The following PIGK variants were observed in gnomAD, a reference collection of about 807,000 sequenced individuals.
PIGK encodes phosphatidylinositol glycan anchor biosynthesis class K, also known as GPI-anchor transamidase.
A neutral mutation model predicts 50.6 loss-of-function variants in PIGK; 42 were observed. The observed-to-expected ratio is 0.83, with a 90% CI of 0.65 to 1.07. The LOEUF (loss-of-function observed/expected upper bound fraction) is 1.07, where lower values mean the gene tolerates loss of function less well. PIGK is among the 50% of genes least tolerant of loss of function. The pLI is 0.00. For missense variants in PIGK, 448 were observed against 488.7 expected, an observed-to-expected ratio of 0.92 and a Z score of 0.78; for synonymous variants, 151 against 156.0, an observed-to-expected ratio of 0.97 and a Z score of 0.24.
Position 77,206,621 on chromosome 1 carries a change from C to T in PIGK, c.239+19G>A, listed in dbSNP as rs542415038. On this transcript the variant is annotated intron_variant, in intron 3 of 10. Transcript: ENST00000370812. ...ATTTTCACTGAAGTTCAAGGTTAAGCTTTATTAAGGCTTCTTACCTGTCAG... is the reference window on the plus strand; with the variant it reads ...ATTTTCACTGAAGTTCAAGGTTAAGTTTTATTAAGGCTTCTTACCTGTCAG... The T allele has an allele frequency of 3.6e-4, 494 of 1,357,010 alleles. 14 individuals carry two copies. The South Asian group carries it at 5.6e-3, about 15-fold the overall frequency. The allele number at this position is 1,357,010 out of a possible 1,614,324, so 84.1% of individuals were successfully genotyped here.
intron 9 of PIGK, among the ~76,000 whole-genome samples, chr1:77,147,438 A>G (rs981571377): frequency 3.3e-5 from 5 of 152,178 alleles, no homozygotes; most frequent in African/African-American, 7.2e-5. Flanking sequence ...ACCCACTAAC[A>G]TAAGAGGTGA....
At chr1:77,187,058 A>T (rs1000685579) in intron 3 of PIGK, among the ~76,000 whole-genome samples, 1 of 152,172 alleles carries the variant, frequency 6.6e-6, no homozygotes, top group Non-Finnish European at 1.5e-5. Context: ...TATTTCACAC[A>T]TCATCACCTC....
At chr1:77,200,469 T>A (rs895310199) in intron 3 of PIGK, among the ~76,000 whole-genome samples, 2 of 152,106 alleles carry the variant, frequency 1.3e-5, no homozygotes, top group Non-Finnish European at 1.5e-5. Context: ...TTTAATAAGG[T>A]ATTTAATGAT....
chr1:77,107,300 G>C (rs563471940), intron 10 of PIGK, among the ~76,000 whole-genome samples: 100 of 152,158 alleles, frequency 6.6e-4, no homozygotes, highest in African/African-American at 2.3e-3. Flanking sequence ...CTTTGTTCTC[G>C]TTGGTTTCGA....
Position 77,092,285 on chromosome 1 carries a change from CAA to C in PIGK, c.*87_*88del. ...TCCTTATACTTATTTCCAATTCATA[CAA>C]GAGAAACACATTTTTAAAAATATAT... On this transcript the variant is annotated 3_prime_UTR_variant, in exon 11 of 11. Coordinates refer to ENST00000370812, the MANE Select transcript of PIGK (RefSeq NM_005482.3). 2 of 611,470 alleles carry C rather than the reference CAA, an allele frequency of 3.3e-6. No homozygotes were observed. Among genetic ancestry groups the C allele is most frequent in the East Asian group, 3.1e-5 (1 of 32,506 alleles). 37.9% of individuals were successfully genotyped at this position (611,470 alleles called of 1,614,324 possible). A position where few individuals can be genotyped will look rare whatever the true frequency, so the allele number is the denominator to read the frequency against.
chr1:77,152,087 A>G (rs1463146924), intron 9 of PIGK, among the ~76,000 whole-genome samples: 7 of 152,182 alleles, frequency 4.6e-5, no homozygotes, highest in African/African-American at 1.4e-4. Flanking sequence ...GCATCATACT[A>G]TTTGATTTCA....
At chr1:77,197,242 T>C (rs1322465954) in intron 3 of PIGK, among the ~76,000 whole-genome samples, 1 of 152,128 alleles carries the variant, frequency 6.6e-6, no homozygotes. Flanking sequence ...CCTCTAAGTA[T>C]TGTTACAGAT....
At chr1:77,142,977 T>C (rs1654683484) in intron 9 of PIGK, among the ~76,000 whole-genome samples, 2 of 152,192 alleles carry the variant, frequency 1.3e-5, no homozygotes, top group South Asian at 4.1e-4. Context: ...CATACTTCAC[T>C]TGTAGAATAT....
At chr1:77,168,578 T>C (rs1192464873) in intron 4 of PIGK, among the ~76,000 whole-genome samples, 5 of 147,424 alleles carry the variant, frequency 3.4e-5, no homozygotes, top group African/African-American at 5.2e-5. Context: ...ATATGATACA[T>C]GAGACACAGG....
At chr1:77,157,513 A>T (rs1407558437) in intron 8 of PIGK, among the ~76,000 whole-genome samples, 1 of 152,210 alleles carries the variant, frequency 6.6e-6, no homozygotes, top group African/African-American at 2.4e-5. Flanking sequence ...ATAGCATGTC[A>T]TGCCTTACAT....
intron 3 of PIGK, among the ~76,000 whole-genome samples, chr1:77,198,007 T>C (rs988671931): frequency 5.3e-5 from 8 of 152,112 alleles, no homozygotes; most frequent in African/African-American, 1.9e-4. Context: ...TGCTGAGTTA[T>C]CCTCAAATGG....
chr1:77,195,738 A>C (rs1465450536), intron 3 of PIGK, among the ~76,000 whole-genome samples: 2 of 152,070 alleles, frequency 1.3e-5, no homozygotes, highest in Non-Finnish European at 2.9e-5. Context: ...TCAACTTACA[A>C]ACATCTACTT....
chr1:77,197,948 C>T (rs985892450), intron 3 of PIGK, among the ~76,000 whole-genome samples: 1 of 151,930 alleles, frequency 6.6e-6, no homozygotes. Context: ...ATATAAGACA[C>T]CAATAGGTTC....
chr1:77,215,379 C>G (rs1311784253), intron 1 of PIGK, among the ~76,000 whole-genome samples: 1 of 152,076 alleles, frequency 6.6e-6, no homozygotes, highest in Non-Finnish European at 1.5e-5. Context: ...GAGATATCAT[C>G]TTAGTGCCTA....
chr1:77,191,806 G>A (rs989893122), intron 3 of PIGK, among the ~76,000 whole-genome samples: 4 of 152,102 alleles, frequency 2.6e-5, no homozygotes, highest in African/African-American at 7.2e-5. Context: ...TGGGCGGATC[G>A]CTTGAGCCCA....
At chr1:77,139,478 T>C (rs564780894) in intron 9 of PIGK, among the ~76,000 whole-genome samples, 22 of 152,268 alleles carry the variant, frequency 1.4e-4, no homozygotes, top group African/African-American at 4.8e-4. Flanking sequence ...AGGGCTCCCA[T>C]AGACACTCCC....
intron 3 of PIGK, among the ~76,000 whole-genome samples, chr1:77,173,660 G>A (rs556039379): frequency 1.2e-4 from 19 of 152,210 alleles, no homozygotes; most frequent in Non-Finnish European, 2.2e-4. Context: ...GGATTCTGAG[G>A]CTATTCTTAA....
chr1:77,159,196 A>G (rs1177798957), intron 8 of PIGK, among the ~76,000 whole-genome samples: 3 of 152,136 alleles, frequency 2.0e-5, no homozygotes, highest in African/African-American at 7.2e-5. Flanking sequence ...CAGAGGGTGT[A>G]AGCTCCAAGC....
intron 3 of PIGK, among the ~76,000 whole-genome samples, chr1:77,199,991 T>TG (rs1158512483): frequency 6.6e-6 from 1 of 152,138 alleles, no homozygotes; most frequent in African/African-American, 2.4e-5. Context: ...ATGTAGTAGT[T>TG]GTCACAACAA....
Sources: allele counts gnomAD v4.1 joint callset (sites outside exome capture counted in the v4.1 genomes callset), GRCh38; gene constraint gnomAD v4.1.1; transcripts MANE v1.5; gene names NCBI Gene and HGNC (gene_info 2026-07-23, HGNC 2026-07-21).